CAMK1D: variants seen among roughly 807,000 people sequenced by gnomAD.
CAMK1D encodes calcium/calmodulin dependent protein kinase ID.
CAMK1D carries 9 observed loss-of-function variants against 47.7 expected under a neutral mutation model. The ratio of observed to expected loss-of-function variants is 0.19; its 90% CI spans 0.11 to 0.33. The LOEUF is 0.33. CAMK1D is among the 10% of genes least tolerant of loss of function. The pLI is 1.00. For synonymous variants in CAMK1D, 184 were observed against 184.9 expected (o/e 0.99, Z 0.04); for missense variants, 291 against 488.7 (o/e 0.60, Z 3.81).
chr10:12,514,424 T>G (rs1454403768), intron 1 of CAMK1D, among the ~76,000 whole-genome samples: 1 of 152,220 alleles, frequency 6.6e-6, no homozygotes, highest in Non-Finnish European at 1.5e-5. Flanking sequence ...AAAAGAATAA[T>G]GTCCCTTCAG....
At chr10:12,401,454 C>T (rs764231482) in intron 1 of CAMK1D, among the ~76,000 whole-genome samples, 1 of 148,904 alleles carries the variant, frequency 6.7e-6, no homozygotes, top group Non-Finnish European at 1.5e-5. Context: ...GCTACTTAAT[C>T]AGTCTGAGCC....
intron 1 of CAMK1D, among the ~76,000 whole-genome samples, chr10:12,420,110 T>A (rs1839998919): frequency 6.6e-6 from 1 of 152,080 alleles, no homozygotes; most frequent in Non-Finnish European, 1.5e-5. Flanking sequence ...CAGGTGCCTG[T>A]CACCACGCCC....
chr10:12,382,150 T>C (rs1475618015), intron 1 of CAMK1D, among the ~76,000 whole-genome samples: 1 of 152,206 alleles, frequency 6.6e-6, no homozygotes, highest in East Asian at 1.9e-4. Context: ...AAGAACTGAC[T>C]GGACATTAAG....
chr10:12,431,211 A>G (rs1025274199), intron 1 of CAMK1D, among the ~76,000 whole-genome samples: 1 of 152,248 alleles, frequency 6.6e-6, no homozygotes, highest in Admixed American at 6.5e-5. Context: ...ACAATAAACC[A>G]AAATGTGAAA....
At chr10:12,594,400 T>C (rs950681834) in intron 2 of CAMK1D, among the ~76,000 whole-genome samples, 2 of 152,252 alleles carry the variant, frequency 1.3e-5, no homozygotes, top group Admixed American at 1.3e-4. Flanking sequence ...TCCTTGTTTT[T>C]ATAGGCAGCT....
chr10:12,623,439 TCTTTCCTTCCTTCCTCCCTCCCTCTCTC>T (rs1839105453), intron 2 of CAMK1D, among the ~76,000 whole-genome samples: 2 of 9,558 alleles, frequency 2.1e-4, no homozygotes, highest in Non-Finnish European at 4.3e-4. Context: ...CTCCCTCCCT[TCTTTCCTTCCTTCCTCCCTCCCTCTCTC>T]CCTCCCTCCT....
chr10:12,365,110 C>T (rs1480066306), intron 1 of CAMK1D, among the ~76,000 whole-genome samples: 1 of 151,978 alleles, frequency 6.6e-6, no homozygotes, highest in Admixed American at 6.6e-5. Context: ...GTATACACCA[C>T]CACGCCAGGC....
intron 1 of CAMK1D, among the ~76,000 whole-genome samples, chr10:12,512,270 C>T (rs927142829): frequency 7.2e-5 from 11 of 152,186 alleles, no homozygotes; most frequent in African/African-American, 1.9e-4. Flanking sequence ...TTACACAGGA[C>T]GTGGACTTTT....
chr10:12,741,925 C>A lies in CAMK1D; in HGVS notation c.300-19023C>A, dbSNP rs9971299. 9.5e-3 allele frequency among the ~76,000 whole-genome samples: 1,442 copies of A among 152,262 alleles called. 25 individuals carry two copies. Among genetic ancestry groups the A allele is most frequent in the African/African-American group, 0.032 (1,334 of 41,536 alleles). ...ATGTGAGCTGCTCCTAGAGAGGGAT[C>A]TTTAGCTCTCATGTGCTAAAGGTGA... On this transcript the variant is annotated intron_variant, in intron 3 of 10. Transcript: ENST00000619168.
intron 1 of CAMK1D, among the ~76,000 whole-genome samples, chr10:12,452,067 G>A (rs1282275640): frequency 6.6e-6 from 1 of 152,192 alleles, no homozygotes; most frequent in Non-Finnish European, 1.5e-5. Flanking sequence ...AAGGAGGAGA[G>A]TCTCGTGGAG....
At chr10:12,565,807 G>A (rs899704918) in intron 2 of CAMK1D, among the ~76,000 whole-genome samples, 3 of 152,012 alleles carry the variant, frequency 2.0e-5, no homozygotes, top group African/African-American at 7.2e-5. Flanking sequence ...CCAGGTCTGT[G>A]TGTCTCTTTC....
intron 2 of CAMK1D, among the ~76,000 whole-genome samples, chr10:12,571,463 AAAAAAAAAG>A (rs1416083375): frequency 2.0e-5 from 3 of 149,328 alleles, no homozygotes; most frequent in Admixed American, 6.6e-5. Context: ...CAAAAAAAAA[AAAAAAAAAG>A]AAAAAAAAGA....
chr10:12,778,745 C>G (rs1238761138), intron 5 of CAMK1D, among the ~76,000 whole-genome samples: 4 of 152,110 alleles, frequency 2.6e-5, no homozygotes, highest in African/African-American at 9.7e-5. Context: ...TGGTGGCACA[C>G]ACCTGTAGTC....
chr10:12,374,605 C>T (rs1369024038), intron 1 of CAMK1D, among the ~76,000 whole-genome samples: 2 of 152,192 alleles, frequency 1.3e-5, no homozygotes, highest in African/African-American at 2.4e-5. Context: ...TTCTTCAACT[C>T]ATGCTCTTGA....
chr10:12,731,906 T>C (rs1208233073), intron 3 of CAMK1D, among the ~76,000 whole-genome samples: 3 of 152,018 alleles, frequency 2.0e-5, no homozygotes, highest in Non-Finnish European at 4.4e-5. Context: ...CAAACCCGAA[T>C]GGACGATGGG....
chr10:12,405,739 C>T (rs943123409), intron 1 of CAMK1D, among the ~76,000 whole-genome samples: 44 of 152,312 alleles, frequency 2.9e-4, no homozygotes, highest in African/African-American at 1.0e-3. Context: ...CCCGTGATAT[C>T]AGCATGACAT....
chr10:12,677,206 C>G (rs1043024552), intron 3 of CAMK1D, among the ~76,000 whole-genome samples: 11 of 152,150 alleles, frequency 7.2e-5, no homozygotes, highest in Non-Finnish European at 1.6e-4. Context: ...ATTCATAATT[C>G]ATAGTCTGTG....
chr10:12,695,022 C>CA (rs1554811943), intron 3 of CAMK1D, among the ~76,000 whole-genome samples: 2 of 144,042 alleles, frequency 1.4e-5, no homozygotes, highest in African/African-American at 5.2e-5. Context: ...ATAAATCTCT[C>CA]GATAGATAGA....
At chr10:12,392,100 C>G (rs371502205) in intron 1 of CAMK1D, among the ~76,000 whole-genome samples, 1 of 151,974 alleles carries the variant, frequency 6.6e-6, no homozygotes, top group South Asian at 2.1e-4. Flanking sequence ...GTCAGGAGTT[C>G]GAGACCAGCC....
Sources: allele counts gnomAD v4.1 joint callset (sites outside exome capture counted in the v4.1 genomes callset), GRCh38; gene constraint gnomAD v4.1.1; transcripts MANE v1.5; gene names NCBI Gene and HGNC (gene_info 2026-07-23, HGNC 2026-07-21).